PHF24: variants seen among roughly 807,000 people sequenced by gnomAD.
The protein encoded by PHF24 is Galpha inhibitory interacting protein.
A neutral mutation model predicts 42.6 loss-of-function variants in PHF24; 25 were observed. The observed-to-expected ratio is 0.59, with a 90% CI of 0.43 to 0.82. The LOEUF is 0.82. PHF24 is among the 40% of genes least tolerant of loss of function. The pLI, the probability that PHF24 is intolerant of heterozygous loss-of-function variation, is 0.00. For synonymous variants in PHF24, 185 were observed against 204.8 expected (o/e 0.90, Z 0.83); for missense variants, 470 against 538.1 (o/e 0.87, Z 1.25).
the PHF24 span, among the ~76,000 whole-genome samples, chr9:34,891,245 C>G: frequency 6.6e-6 from 1 of 152,168 alleles, no homozygotes. Flanking sequence ...TGTGTCACTT[C>G]CAGGTCCAGG....
chr9:34,826,273 G>C, the PHF24 span, among the ~76,000 whole-genome samples: 13 of 152,210 alleles, frequency 8.5e-5, no homozygotes, highest in African/African-American at 2.9e-4. Context: ...TACATGCCTG[G>C]ATTGTGCTTA....
At chr9:34,892,995 A>C in the PHF24 span, 1 of 763,040 alleles carries the variant, frequency 1.3e-6, no homozygotes. Context: ...TCTAGGCAAG[A>C]GGAGCCCTGT....
the PHF24 span, among the ~76,000 whole-genome samples, chr9:34,828,246 C>A: frequency 6.6e-6 from 1 of 152,052 alleles, no homozygotes; most frequent in East Asian, 1.9e-4. Flanking sequence ...CTCTCATTAA[C>A]GATGCCTTCT....
At chr9:34,779,825 A>G in the PHF24 span, among the ~76,000 whole-genome samples, 1 of 152,298 alleles carries the variant, frequency 6.6e-6, no homozygotes, top group Non-Finnish European at 1.5e-5. Context: ...TCCTAAGTTC[A>G]AGCGATTCTC....
chr9:34,940,381 CCT>C, the PHF24 span, among the ~76,000 whole-genome samples: 1 of 151,576 alleles, frequency 6.6e-6, no homozygotes, highest in Non-Finnish European at 1.5e-5. Context: ...CTAGAATGCT[CCT>C]CTCAGGTTTG....
At chr9:34,694,372 C>T in the PHF24 span, among the ~76,000 whole-genome samples, 4,368 of 151,752 alleles carry the variant, frequency 0.029, 223 homozygotes, top group African/African-American at 0.099. Context: ...CCCTTGTCAC[C>T]CAGGCTGGAG....
the PHF24 span, chr9:34,892,790 C>G: frequency 1.7e-6 from 1 of 595,148 alleles, no homozygotes; most frequent in Non-Finnish European, 3.0e-6. Flanking sequence ...AGATCTCTGT[C>G]CTCGCTGAAA....
chr9:34,741,924 T>C, the PHF24 span, among the ~76,000 whole-genome samples: 2 of 152,136 alleles, frequency 1.3e-5, no homozygotes, highest in African/African-American at 2.4e-5. Flanking sequence ...GAACAGGAAG[T>C]GCTCTCAGGA....
chr9:34,720,986 G>C, the PHF24 span, among the ~76,000 whole-genome samples: 2 of 152,034 alleles, frequency 1.3e-5, no homozygotes, highest in Non-Finnish European at 2.9e-5. Context: ...CACAGACACG[G>C]TCCCTTCCCA....
At chr9:34,781,360 T>C in the PHF24 span, among the ~76,000 whole-genome samples, 1 of 152,128 alleles carries the variant, frequency 6.6e-6, no homozygotes, top group African/African-American at 2.4e-5. Context: ...AGGACAAATA[T>C]TATATGATTT....
the PHF24 span, among the ~76,000 whole-genome samples, chr9:34,785,661 C>T: frequency 1.3e-5 from 2 of 152,266 alleles, no homozygotes; most frequent in Admixed American, 6.5e-5. Context: ...AGCTTCTAGG[C>T]TTATAGTCTG....
Position 34,977,540 on chromosome 9 carries a change from C to T in PHF24, c.1011-6C>T. On this transcript the variant is annotated splice_region_variant and splice_polypyrimidine_tract_variant and intron_variant, in intron 6 of 7. Coordinates refer to ENST00000242315, the Ensembl canonical transcript of PHF24. ...ACTCCTAACCACGTGTCCTCATGCCCAGCAGCATCAGCCATGTGGGTCCCA... is the reference window on the plus strand; with the variant it reads ...ACTCCTAACCACGTGTCCTCATGCCTAGCAGCATCAGCCATGTGGGTCCCA... 6.2e-7 allele frequency: 1 copy of T among 1,604,284 alleles called. No individual in the cohort carries two copies. Among genetic ancestry groups the T allele is most frequent in the Non-Finnish European group, 8.5e-7 (1 of 1,174,932 alleles).
chr9:34,951,472 C>T, the PHF24 span, among the ~76,000 whole-genome samples: 1 of 152,112 alleles, frequency 6.6e-6, no homozygotes, highest in East Asian at 1.9e-4. Context: ...CAATAGAAGT[C>T]AGAGTGATGT....
chr9:34,671,991 A>G, the PHF24 span, among the ~76,000 whole-genome samples: 1 of 151,864 alleles, frequency 6.6e-6, no homozygotes, highest in South Asian at 2.1e-4. Context: ...GTTTCCCTTC[A>G]TTTGTTTGTC....
intron 1 of PHF24, among the ~76,000 whole-genome samples, chr9:34,968,360 G>T (rs570264155): frequency 6.6e-6 from 1 of 152,300 alleles, no homozygotes; most frequent in South Asian, 2.1e-4. Flanking sequence ...GTTGTCCACT[G>T]AGGCATGAAT....
At chr9:34,799,368 T>C in the PHF24 span, among the ~76,000 whole-genome samples, 4 of 152,204 alleles carry the variant, frequency 2.6e-5, no homozygotes, top group Non-Finnish European at 5.9e-5. Flanking sequence ...AATTAATGCC[T>C]TTGTCATAGG....
chr9:34,877,391 T>C, the PHF24 span, among the ~76,000 whole-genome samples: 2 of 152,230 alleles, frequency 1.3e-5, no homozygotes, highest in Admixed American at 1.3e-4. Context: ...TATTGTATGA[T>C]TTCACTTATA....
the PHF24 span, among the ~76,000 whole-genome samples, chr9:34,864,497 A>T: frequency 2.2e-3 from 338 of 152,290 alleles, 2 homozygotes; most frequent in African/African-American, 7.0e-3. Flanking sequence ...GGCATGACAT[A>T]AAGTGCTGAA....
chr9:34,710,105 G>A, the PHF24 span: 3 of 1,586,020 alleles, frequency 1.9e-6, no homozygotes, highest in Admixed American at 3.4e-5. Flanking sequence ...AGAGCTGAGG[G>A]TGAGGTGGGC....
Sources: allele counts gnomAD v4.1 joint callset (sites outside exome capture counted in the v4.1 genomes callset), GRCh38; gene constraint gnomAD v4.1.1; transcripts MANE v1.5; gene names NCBI Gene and HGNC (gene_info 2026-07-23, HGNC 2026-07-21).